The following BACH2 variants were observed in gnomAD, a reference collection of about 807,000 sequenced individuals.
BACH2 encodes the protein BACH transcriptional regulator 2.
BACH2 carries 5 observed loss-of-function variants against 61.8 expected under a neutral mutation model. The observed-to-expected ratio is 0.08, with a 90% CI of 0.04 to 0.17. The LOEUF (loss-of-function observed/expected upper bound fraction) is 0.17. Ranked by LOEUF, BACH2 falls within the 10% of genes least tolerant of loss-of-function variation. The pLI is 1.00. For synonymous variants in BACH2, 446 were observed against 440.1 expected (o/e 1.01, Z -0.17); for missense variants, 824 against 1,091.1 (o/e 0.76, Z 3.45).
At chr6:90,047,240 A>G (rs1214698570) in intron 5 of BACH2, among the ~76,000 whole-genome samples, 1 of 152,166 alleles carries the variant, frequency 6.6e-6, no homozygotes, top group Non-Finnish European at 1.5e-5. Flanking sequence ...TTATTTCTAC[A>G]AACCTTTATC....
chr6:90,277,848 T>G (rs940258417), intron 1 of BACH2, among the ~76,000 whole-genome samples: 1 of 152,198 alleles, frequency 6.6e-6, no homozygotes, highest in Non-Finnish European at 1.5e-5. Flanking sequence ...GACATAACAC[T>G]GAAGGCATTT....
At chr6:90,260,696 C>A (rs773948940) in intron 2 of BACH2, among the ~76,000 whole-genome samples, 1 of 152,148 alleles carries the variant, frequency 6.6e-6, no homozygotes, top group Admixed American at 6.5e-5. Flanking sequence ...CGACCAAATT[C>A]TTTATGTTAG....
chr6:90,257,464 T>C (rs1771014890), intron 2 of BACH2, among the ~76,000 whole-genome samples: 1 of 152,220 alleles, frequency 6.6e-6, no homozygotes, highest in African/African-American at 2.4e-5. Flanking sequence ...TGCATTTCCC[T>C]GATATGATGT....
intron 4 of BACH2, among the ~76,000 whole-genome samples, chr6:90,106,127 G>T (rs1335465981): frequency 6.6e-6 from 1 of 152,146 alleles, no homozygotes; most frequent in African/African-American, 2.4e-5. Flanking sequence ...TTTTAAAGCT[G>T]AAGTTTCAAA....
intron 1 of BACH2, among the ~76,000 whole-genome samples, chr6:90,296,214 T>C (rs1772375606): frequency 6.6e-6 from 1 of 151,890 alleles, no homozygotes; most frequent in African/African-American, 2.4e-5. Context: ...ACAATGCGCC[T>C]CGGCCGCCGT....
At chr6:90,050,289 T>C (rs991457000) in intron 5 of BACH2, among the ~76,000 whole-genome samples, 3 of 152,218 alleles carry the variant, frequency 2.0e-5, no homozygotes, top group Non-Finnish European at 4.4e-5. Context: ...TGAATTTTAA[T>C]ATAATGGAGT....
chr6:90,211,946 G>A (rs898346734), intron 3 of BACH2, among the ~76,000 whole-genome samples: 4 of 152,248 alleles, frequency 2.6e-5, no homozygotes, highest in African/African-American at 9.6e-5. Flanking sequence ...CTTAGGCAGA[G>A]GGCTGGGGCA....
intron 1 of BACH2, among the ~76,000 whole-genome samples, chr6:90,290,127 G>A (rs973379170): frequency 6.6e-6 from 1 of 152,058 alleles, no homozygotes; most frequent in Non-Finnish European, 1.5e-5. Flanking sequence ...TACTCCAAAG[G>A]GCCAAAGATA....
intron 4 of BACH2, among the ~76,000 whole-genome samples, chr6:90,099,384 G>GT (rs1418265674): frequency 7.2e-6 from 1 of 139,546 alleles, no homozygotes; most frequent in African/African-American, 3.4e-5. Flanking sequence ...ATATGCTTTT[G>GT]TTTTATTTTT....
intron 4 of BACH2, among the ~76,000 whole-genome samples, chr6:90,199,064 C>T (rs376831066): frequency 4.6e-5 from 7 of 152,252 alleles, no homozygotes; most frequent in African/African-American, 1.4e-4. Context: ...GTGAGGCCTC[C>T]GATGTAACTG....
At chr6:90,173,104 C>T (rs925254654) in intron 4 of BACH2, among the ~76,000 whole-genome samples, 1 of 149,932 alleles carries the variant, frequency 6.7e-6, no homozygotes, top group African/African-American at 2.4e-5. Flanking sequence ...GAAGAAAAAC[C>T]ATGGAACTAT....
chr6:90,219,588 G>A (rs1265652702), intron 3 of BACH2, among the ~76,000 whole-genome samples: 3 of 152,216 alleles, frequency 2.0e-5, no homozygotes, highest in Non-Finnish European at 4.4e-5. Context: ...AGAATGCACA[G>A]CTGTATTGTA....
intron 5 of BACH2, among the ~76,000 whole-genome samples, chr6:90,028,793 G>C (rs1364018135): frequency 2.6e-5 from 4 of 152,206 alleles, no homozygotes; most frequent in African/African-American, 9.7e-5. Context: ...ACCTGGCTTT[G>C]AATTCTGACT....
chr6:90,009,310 T>C (rs1014971118), intron 5 of BACH2, among the ~76,000 whole-genome samples: 7 of 152,234 alleles, frequency 4.6e-5, no homozygotes, highest in African/African-American at 1.4e-4. Context: ...CTTGATGAAG[T>C]ATATGTAAGT....
intron 3 of BACH2, among the ~76,000 whole-genome samples, chr6:90,234,394 TCC>T (rs756002977): frequency 1.2e-4 from 18 of 152,174 alleles, no homozygotes; most frequent in Non-Finnish European, 2.5e-4. Context: ...AGATGGGCAT[TCC>T]CATGAACTTA....
At chr6:90,128,545 C>T (rs917656398) in intron 4 of BACH2, among the ~76,000 whole-genome samples, 7 of 152,210 alleles carry the variant, frequency 4.6e-5, no homozygotes, top group African/African-American at 1.7e-4. Context: ...CGTGCCACTG[C>T]ACTCCAGCCT....
chr6:90,058,642 C>A (rs1179809508), intron 5 of BACH2, among the ~76,000 whole-genome samples: 1 of 152,034 alleles, frequency 6.6e-6, no homozygotes, highest in South Asian at 2.1e-4. Context: ...TCATATGGAA[C>A]CAAAAAAGAG....
chr6:90,296,188 T>A, intron 1 of BACH2, among the ~76,000 whole-genome samples: 1 of 151,984 alleles, frequency 6.6e-6, no homozygotes, highest in South Asian at 2.1e-4. Context: ...AAAACACCCT[T>A]CGACGCCAGC....
intron 6 of BACH2, among the ~76,000 whole-genome samples, chr6:89,976,493 C>G (rs1775659292): frequency 6.6e-6 from 1 of 152,180 alleles, no homozygotes; most frequent in Non-Finnish European, 1.5e-5. Context: ...TATGCTGTGG[C>G]CTTATACTTG....
Sources: gnomAD v4.1 joint callset for allele counts (sites outside exome capture counted in the v4.1 genomes callset) on GRCh38, gnomAD v4.1.1 for gene constraint, MANE v1.5 for transcripts, NCBI Gene and HGNC (gene_info 2026-07-23, HGNC 2026-07-21) for gene names.